SMURF1: variants seen among roughly 807,000 people sequenced by gnomAD.
The protein encoded by SMURF1 is SMAD specific E3 ubiquitin protein ligase 1.
SMURF1 carries 44 observed loss-of-function variants against 98.0 expected under a neutral mutation model. The observed-to-expected ratio is 0.45, with a 90% CI of 0.35 to 0.58. The LOEUF is 0.58. Ranked by LOEUF, SMURF1 falls within the 20% of genes least tolerant of loss-of-function variation. The pLI, the probability that SMURF1 is intolerant of heterozygous loss-of-function variation, is 0.00. For missense variants in SMURF1, 687 were observed against 938.4 expected (o/e 0.73, Z 3.50); for synonymous variants, 396 against 374.9 (o/e 1.06, Z -0.65).
Position 99,049,719 on chromosome 7 carries a change from T to C in SMURF1, c.807-10A>G. ...CACACTGTTAAGGTCTCTACCAAAA[T>C]GGAAGATACAGAGAGGTTTGTCCAA... On this transcript the variant is annotated splice_polypyrimidine_tract_variant and intron_variant, in intron 8 of 17. Transcript: ENST00000361368. The C allele has an allele frequency of 6.2e-7, 1 of 1,611,344 alleles. No homozygotes were observed. Among genetic ancestry groups the C allele is most frequent in the African/African-American group, 1.3e-5 (1 of 74,878 alleles).
intron 16 of SMURF1, among the ~76,000 whole-genome samples, chr7:99,033,560 C>T (rs1011399780): frequency 6.6e-6 from 1 of 152,214 alleles, no homozygotes; most frequent in Non-Finnish European, 1.5e-5. Context: ...CCACCTGCCT[C>T]GGCCTCCCAG....
chr7:99,093,679 G>C (rs1431177568), intron 1 of SMURF1, among the ~76,000 whole-genome samples: 1 of 151,308 alleles, frequency 6.6e-6, no homozygotes, highest in Non-Finnish European at 1.5e-5. Flanking sequence ...CTTGTATAAA[G>C]AGTTTCTCTT....
intron 1 of SMURF1, among the ~76,000 whole-genome samples, chr7:99,142,603 G>A (rs1056544734): frequency 7.0e-6 from 1 of 143,672 alleles, no homozygotes; most frequent in Non-Finnish European, 1.5e-5. Context: ...GAAAGTGAGG[G>A]GCGGGGCTAG....
intron 1 of SMURF1, among the ~76,000 whole-genome samples, chr7:99,070,445 C>G (rs1438813865): frequency 6.6e-6 from 1 of 152,212 alleles, no homozygotes; most frequent in Non-Finnish European, 1.5e-5. Flanking sequence ...CCCCATCCCA[C>G]TCTACATTAA....
At chr7:99,078,660 T>C (rs897945778) in intron 1 of SMURF1, among the ~76,000 whole-genome samples, 7 of 152,226 alleles carry the variant, frequency 4.6e-5, no homozygotes, top group Non-Finnish European at 8.8e-5. Context: ...GGGCAGCATT[T>C]GATTCTCATA....
intron 1 of SMURF1, among the ~76,000 whole-genome samples, chr7:99,132,996 T>C (rs566931173): frequency 2.6e-4 from 39 of 152,118 alleles, no homozygotes; most frequent in Non-Finnish European, 4.9e-4. Context: ...TGGATGCGGC[T>C]AGAAAGGGAT....
chr7:99,072,071 G>C (rs945599395), intron 1 of SMURF1, among the ~76,000 whole-genome samples: 11 of 151,684 alleles, frequency 7.3e-5, no homozygotes, highest in Non-Finnish European at 1.5e-4. Flanking sequence ...AGAGTGAGAT[G>C]CCGTCTCTTT....
intron 1 of SMURF1, 87 bp from the exon 2 acceptor site, chr7:99,061,924 C>T: frequency 1.0e-6 from 1 of 977,324 alleles, no homozygotes; most frequent in Non-Finnish European, 1.5e-6. Flanking sequence ...AACAAAAAGA[C>T]TCTAAAAATT....
At chr7:99,101,338 C>T (rs1489948779) in intron 1 of SMURF1, among the ~76,000 whole-genome samples, 2 of 152,144 alleles carry the variant, frequency 1.3e-5, no homozygotes, top group East Asian at 3.9e-4. Flanking sequence ...CACCACTGCA[C>T]TCCAGCATGG....
At chr7:99,061,541 G>C (rs1473472728) in intron 2 of SMURF1, among the ~76,000 whole-genome samples, 1 of 152,216 alleles carries the variant, frequency 6.6e-6, no homozygotes, top group East Asian at 1.9e-4. Flanking sequence ...AATAGGTAGA[G>C]AGGCAGAAAA....
rs1373331308 is a variant in SMURF1, at chr7:99,040,307, GCA to G, written c.1550+69_1550+70del. The G allele has an allele frequency of 2.5e-5, 32 of 1,297,460 alleles. No homozygotes were observed. In the Admixed American group the frequency reaches 3.9e-4, roughly 16 times the overall value. The allele number at this position is 1,297,460 out of a possible 1,614,324, so 80.4% of individuals were successfully genotyped here. The stretch of plus-strand genomic sequence containing the variant: ...AATACACACACACGCGCGCGCGCGC[GCA>G]CGCGCATACATACGATAGACGTGGT... On this transcript the variant is annotated intron_variant, in intron 13 of 17. Transcript: ENST00000361368.
chr7:99,099,578 T>C (rs1456704320), intron 1 of SMURF1, among the ~76,000 whole-genome samples: 2 of 152,066 alleles, frequency 1.3e-5, no homozygotes, highest in Non-Finnish European at 2.9e-5. Flanking sequence ...AAAACTCATG[T>C]TAAAATTTGA....
At chr7:99,095,559 T>G (rs1796939886) in intron 1 of SMURF1, among the ~76,000 whole-genome samples, 1 of 152,166 alleles carries the variant, frequency 6.6e-6, no homozygotes, top group African/African-American at 2.4e-5. Context: ...ACTTATTATT[T>G]TTAGTGTATT....
intron 1 of SMURF1, among the ~76,000 whole-genome samples, chr7:99,066,126 T>C (rs1796187038): frequency 6.6e-6 from 1 of 151,994 alleles, no homozygotes; most frequent in Non-Finnish European, 1.5e-5. Flanking sequence ...CTTCTTAGCA[T>C]CTCCACCCTT....
At chr7:99,035,344 G>A in intron 16 of SMURF1, 171 bp downstream of exon 16, 1 of 839,006 alleles carries the variant, frequency 1.2e-6, no homozygotes, top group African/African-American at 1.7e-5. Flanking sequence ...CTCACACACG[G>A]CCCCTGCCAG....
chr7:99,063,237 TTATTTATATATATA>T (rs1796081871), intron 1 of SMURF1, among the ~76,000 whole-genome samples: 4 of 76,914 alleles, frequency 5.2e-5, no homozygotes, highest in African/African-American at 2.8e-4. Flanking sequence ...TATATAAGAT[TTATTTATATATATA>T]TATATATATA....
chr7:99,032,809 C>T (rs1794958719), intron 17 of SMURF1: 3 of 676,928 alleles, frequency 4.4e-6, no homozygotes, highest in Admixed American at 2.4e-5. Context: ...CCGCTCTATA[C>T]AGTGTCGTAA....
chr7:99,077,957 C>T (rs1403977423), intron 1 of SMURF1, among the ~76,000 whole-genome samples: 2 of 152,054 alleles, frequency 1.3e-5, no homozygotes, highest in Non-Finnish European at 2.9e-5. Context: ...TTATTTGCTT[C>T]GTTATCTGAA....
At chr7:99,142,656 C>G (rs1484369420) in intron 1 of SMURF1, among the ~76,000 whole-genome samples, 8 of 96,162 alleles carry the variant, frequency 8.3e-5, no homozygotes, top group Non-Finnish European at 1.4e-4. Flanking sequence ...GAGGGAGAAA[C>G]GAAAGAGGAT....
Sources: gnomAD v4.1 joint callset for allele counts (sites outside exome capture counted in the v4.1 genomes callset) on GRCh38, gnomAD v4.1.1 for gene constraint, MANE v1.5 for transcripts, NCBI Gene and HGNC (gene_info 2026-07-23, HGNC 2026-07-21) for gene names.